The following PLB1 variants were observed in gnomAD, a reference collection of about 807,000 sequenced individuals.
The protein encoded by PLB1 is phospholipase B1, membrane-associated.
Under a neutral mutation model 227.4 loss-of-function variants are expected in PLB1, and 242 were observed. The observed-to-expected ratio is 1.06, with a 90% confidence interval of 0.96 to 1.18. The LOEUF is 1.18. Among genes scored for constraint, PLB1 ranks in the 50% most tolerant of loss-of-function variants. PLB1 has a pLI of 0.00. For synonymous variants in PLB1, 757 were observed against 682.2 expected (o/e 1.11, Z -1.71); for missense variants, 1,858 against 1,816.3 (o/e 1.02, Z -0.42).
At chr2:28,504,116 C>G (rs928334424) in intron 1 of PLB1, among the ~76,000 whole-genome samples, 1 of 152,160 alleles carries the variant, frequency 6.6e-6, no homozygotes, top group African/African-American at 2.4e-5. Flanking sequence ...AATGTTGCCT[C>G]TACTTGATTA....
chr2:28,618,125 G>T (rs1657434414), intron 45 of PLB1, among the ~76,000 whole-genome samples: 1 of 152,204 alleles, frequency 6.6e-6, no homozygotes, highest in African/African-American at 2.4e-5. Context: ...ATGTCAATCA[G>T]GCTCTTCTGA....
At chr2:28,623,734 A>G (rs906406488) in intron 49 of PLB1, among the ~76,000 whole-genome samples, 3 of 152,160 alleles carry the variant, frequency 2.0e-5, no homozygotes, top group Non-Finnish European at 2.9e-5. Flanking sequence ...TGCTGACCTA[A>G]CTTCTCACAG....
intron 14 of PLB1, among the ~76,000 whole-genome samples, chr2:28,546,185 C>T (rs1012607661): frequency 6.6e-6 from 1 of 152,218 alleles, no homozygotes. Flanking sequence ...GATTTTGTGT[C>T]TGGGACACGG....
At chr2:28,571,338 T>C (rs1246312172) in intron 20 of PLB1, among the ~76,000 whole-genome samples, 2 of 151,530 alleles carry the variant, frequency 1.3e-5, no homozygotes, top group African/African-American at 4.9e-5. Context: ...CATCTGACAC[T>C]CATGGATTAG....
At chr2:28,529,446 C>G in intron 7 of PLB1, 39 bp downstream of exon 7, 1 of 1,478,270 alleles carries the variant, frequency 6.8e-7, no homozygotes, top group Non-Finnish European at 9.5e-7. Flanking sequence ...GTTATGTGTT[C>G]CTACTGGTCT....
Position 28,624,143 on chromosome 2 carries a change from A to G in PLB1, c.3528-914A>G, listed in dbSNP as rs562895855. ...TTGTACCTGTGAAATCATCACCACA[A>G]TCAAGATGAAAAATGTGTTCATCAC... On this transcript the variant is annotated intron_variant, in intron 49 of 57. Transcript: ENST00000327757. Among the ~76,000 whole-genome samples the G allele has an allele frequency of 2.6e-5, 4 of 152,258 alleles. 1 individual carries two copies. The East Asian group carries it at 5.8e-4, about 22-fold the overall frequency.
chr2:28,521,352 C>T (rs565866519), intron 4 of PLB1, among the ~76,000 whole-genome samples: 48 of 152,300 alleles, frequency 3.2e-4, no homozygotes, highest in African/African-American at 1.1e-3. Flanking sequence ...GAGAAATCAC[C>T]ACACTATTTT....
At chr2:28,509,202 C>G (rs1314023757) in intron 1 of PLB1, among the ~76,000 whole-genome samples, 2 of 152,170 alleles carry the variant, frequency 1.3e-5, no homozygotes, top group South Asian at 4.1e-4. Flanking sequence ...ATACGAACAT[C>G]AAGGAAATCC....
intron 1 of PLB1, among the ~76,000 whole-genome samples, chr2:28,504,820 C>G (rs1232219261): frequency 6.6e-6 from 1 of 152,170 alleles, no homozygotes; most frequent in Non-Finnish European, 1.5e-5. Context: ...TATCCAAAGT[C>G]TTTGTGATCT....
intron 20 of PLB1, among the ~76,000 whole-genome samples, chr2:28,567,757 G>A (rs1467146632): frequency 2.0e-5 from 3 of 152,028 alleles, no homozygotes; most frequent in African/African-American, 4.8e-5. Flanking sequence ...CAGGCGGAAT[G>A]ATTTTTTAAA....
At chr2:28,530,017 A>G (rs994186832) in intron 8 of PLB1, among the ~76,000 whole-genome samples, 1 of 152,014 alleles carries the variant, frequency 6.6e-6, no homozygotes. Flanking sequence ...CAGTTATGAG[A>G]CTGGCTAATT....
intron 49 of PLB1, among the ~76,000 whole-genome samples, chr2:28,623,609 G>C (rs575577953): frequency 5.3e-5 from 8 of 152,254 alleles, no homozygotes; most frequent in Non-Finnish European, 1.0e-4. Context: ...TACCATGTGT[G>C]TTTGGCCACG....
chr2:28,553,559 T>G (rs1229484841), intron 17 of PLB1, among the ~76,000 whole-genome samples: 2 of 152,180 alleles, frequency 1.3e-5, no homozygotes, highest in Non-Finnish European at 2.9e-5. Flanking sequence ...TACCTTTGCC[T>G]CCAGGCAAGG....
intron 6 of PLB1, among the ~76,000 whole-genome samples, chr2:28,526,971 G>GA (rs1203160990): frequency 6.6e-6 from 1 of 152,182 alleles, no homozygotes; most frequent in Non-Finnish European, 1.5e-5. Flanking sequence ...CGGTAGGCAG[G>GA]AGGGTCCCCT....
chr2:28,598,609 T>C (rs779873098), intron 34 of PLB1, 43 bp from the exon 35 acceptor site: 5 of 1,505,232 alleles, frequency 3.3e-6, no homozygotes, highest in Non-Finnish European at 4.6e-6. Context: ...TATTCTGGCT[T>C]TCTGTTCTGA....
In PLB1 at chr2:28,626,512, GGCC is replaced by G. The variant is rs765379559; in HGVS notation, c.3660+5_3660+7del. 4.9e-5 allele frequency: 79 copies of G among 1,613,312 alleles called. No homozygotes were observed. Among genetic ancestry groups the G allele is most frequent in the Non-Finnish European group, 8.5e-7 (1 of 1,179,384 alleles). ...GTGTCATTACTGTGAGAATCCGGTA[GGCC>G]CCCGACCAACCCCATGGGGACCTGA... On this transcript the variant is annotated splice_donor_5th_base_variant and intron_variant, in intron 51 of 57. Coordinates refer to ENST00000327757, the MANE Select transcript of PLB1 (RefSeq NM_153021.5).
At chr2:28,510,293 A>G (rs1397866852) in intron 1 of PLB1, among the ~76,000 whole-genome samples, 1 of 152,178 alleles carries the variant, frequency 6.6e-6, no homozygotes, top group Non-Finnish European at 1.5e-5. Context: ...GATCAGACTA[A>G]GGATTTCCAA....
At chr2:28,517,870 CTT>C (rs751699033) in intron 2 of PLB1, among the ~76,000 whole-genome samples, 122 of 133,800 alleles carry the variant, frequency 9.1e-4, no homozygotes, top group African/African-American at 2.7e-3. Context: ...AGAACTTTCT[CTT>C]TTTTTTTTTT....
intron 53 of PLB1, among the ~76,000 whole-genome samples, chr2:28,629,904 A>G (rs1257298107): frequency 6.6e-6 from 1 of 152,124 alleles, no homozygotes; most frequent in African/African-American, 2.4e-5. Flanking sequence ...GCTATGAGAG[A>G]GGAGGTTCTC....
Sources: allele counts gnomAD v4.1 joint callset (sites outside exome capture counted in the v4.1 genomes callset), GRCh38; gene constraint gnomAD v4.1.1; transcripts MANE v1.5; gene names NCBI Gene and HGNC (gene_info 2026-07-23, HGNC 2026-07-21).